Variants in DNAJC15 observed in about 807,000 individuals in gnomAD.
DNAJC15 encodes dnaJ homolog subfamily C member 15.
A neutral mutation model predicts 22.4 loss-of-function variants in DNAJC15; 27 were observed. The observed-to-expected ratio is 1.20, with a 90% CI of 0.89 to 1.66. DNAJC15 has a LOEUF of 1.66. DNAJC15 is among the 40% of genes most tolerant of loss of function. The pLI, the probability that DNAJC15 is intolerant of heterozygous loss-of-function variation, is 0.00. For synonymous variants in DNAJC15, 79 were observed against 63.2 expected, an observed-to-expected ratio of 1.25 and a Z score of -1.19; for missense variants, 208 against 187.1, an observed-to-expected ratio of 1.11 and a Z score of -0.65.
intron 1 of DNAJC15, among the ~76,000 whole-genome samples, chr13:43,050,592 T>C (rs1362802768): frequency 6.6e-6 from 1 of 152,160 alleles, no homozygotes; most frequent in Non-Finnish European, 1.5e-5. Flanking sequence ...CAAAATATGA[T>C]TGTATAGGAT....
At chr13:43,082,713 T>C (rs1226382694) in intron 4 of DNAJC15, among the ~76,000 whole-genome samples, 1 of 152,198 alleles carries the variant, frequency 6.6e-6, no homozygotes, top group Non-Finnish European at 1.5e-5. Flanking sequence ...TGTAATTAAT[T>C]ATCAAGGAAA....
intron 5 of DNAJC15, among the ~76,000 whole-genome samples, chr13:43,090,159 T>TA (rs1295901572): frequency 6.6e-6 from 1 of 152,216 alleles, no homozygotes; most frequent in African/African-American, 2.4e-5. Flanking sequence ...GAGGGCCCCC[T>TA]TAACAGCATA....
At chr13:43,104,063 A>G (rs1262355909) in intron 5 of DNAJC15, among the ~76,000 whole-genome samples, 2 of 152,176 alleles carry the variant, frequency 1.3e-5, no homozygotes, top group Non-Finnish European at 2.9e-5. Flanking sequence ...GATATAATTT[A>G]TATAGAATAA....
intron 1 of DNAJC15, among the ~76,000 whole-genome samples, chr13:43,057,362 G>A (rs2040536727): frequency 6.6e-6 from 1 of 152,050 alleles, no homozygotes; most frequent in East Asian, 1.9e-4. Context: ...TTTGAGCTAT[G>A]AAGTTCTTTT....
At chr13:43,047,280 A>C (rs2040482897) in intron 1 of DNAJC15, among the ~76,000 whole-genome samples, 1 of 152,230 alleles carries the variant, frequency 6.6e-6, no homozygotes, top group Admixed American at 6.5e-5. Context: ...GTTGGAAGGG[A>C]TTTGAAATAG....
intron 1 of DNAJC15, among the ~76,000 whole-genome samples, chr13:43,036,170 T>G (rs1320088043): frequency 6.7e-6 from 1 of 149,190 alleles, no homozygotes; most frequent in Non-Finnish European, 1.5e-5. Context: ...TTCTGTCTTT[T>G]TTTTTTTTTT....
chr13:43,040,264 GTTCT>G (rs1201372293), intron 1 of DNAJC15, among the ~76,000 whole-genome samples: 2 of 152,180 alleles, frequency 1.3e-5, no homozygotes, highest in Non-Finnish European at 2.9e-5. Flanking sequence ...GCCTGCTGTA[GTTCT>G]TTCTTCCTAA....
In DNAJC15 at chr13:43,111,727, C is replaced by T. The variant is rs1008269661; in HGVS notation, c.*4479C>T. ...TGCTGTCCTCGGGCACCCTGCACCT[C>T]GCCCAACAGTCATCAACTAGATGGA... On this transcript the variant is annotated 3_prime_UTR_variant, in exon 6 of 6. Coordinates refer to ENST00000379221, the MANE Select transcript of DNAJC15 (RefSeq NM_013238.3). 10 of 152,154 alleles carry T rather than the reference C, an allele frequency of 6.6e-5. No homozygotes were observed. Among genetic ancestry groups the T allele is most frequent in the African/African-American group, 2.2e-4 (9 of 41,430 alleles). The allele number at this position is 152,154 out of a possible 1,614,324, so 9.4% of individuals were successfully genotyped here.
intron 1 of DNAJC15, among the ~76,000 whole-genome samples, chr13:43,049,084 T>A (rs955373271): frequency 1.5e-4 from 23 of 152,324 alleles, no homozygotes; most frequent in Admixed American, 1.1e-3. Context: ...CTTACTTTTT[T>A]AAATCATACT....
intron 1 of DNAJC15, among the ~76,000 whole-genome samples, chr13:43,058,730 C>T (rs1460486040): frequency 1.3e-5 from 2 of 152,198 alleles, no homozygotes; most frequent in African/African-American, 2.4e-5. Context: ...TCCCTAATTC[C>T]AGTGGCAACC....
chr13:43,074,410 A>G (rs903081954), intron 3 of DNAJC15, among the ~76,000 whole-genome samples: 3 of 152,170 alleles, frequency 2.0e-5, no homozygotes, highest in African/African-American at 4.8e-5. Context: ...AAGGTCCAGG[A>G]TGTGTTTCTG....
intron 1 of DNAJC15, among the ~76,000 whole-genome samples, chr13:43,033,786 T>G (rs1039306042): frequency 1.3e-5 from 2 of 152,052 alleles, no homozygotes; most frequent in Non-Finnish European, 2.9e-5. Flanking sequence ...CCCAGCACTT[T>G]GGGAGGCCAA....
chr13:43,094,699 G>A (rs532547951), intron 5 of DNAJC15, among the ~76,000 whole-genome samples: 1 of 152,220 alleles, frequency 6.6e-6, no homozygotes, highest in African/African-American at 2.4e-5. Flanking sequence ...CTGTGTATCA[G>A]GCTCTATTTT....
chr13:43,036,420 T>G (rs1243275732), intron 1 of DNAJC15, among the ~76,000 whole-genome samples: 4 of 152,082 alleles, frequency 2.6e-5, no homozygotes, highest in Non-Finnish European at 5.9e-5. Flanking sequence ...CTGCAGGTTT[T>G]TATGTGCTCA....
chr13:43,074,753 AT>A (rs1486599810), intron 3 of DNAJC15, among the ~76,000 whole-genome samples: 1 of 152,190 alleles, frequency 6.6e-6, no homozygotes, highest in African/African-American at 2.4e-5. Context: ...TAAGACCTAA[AT>A]TTTCTAGAAG....
In DNAJC15 at chr13:43,106,553, G is replaced by A. The variant is rs985985073; in HGVS notation, c.383-625G>A. The stretch of plus-strand genomic sequence containing the variant: ...CCAAAACTACACTCTGTAAATATTC[G>A]AATAGAATCATTTCAGAGAACAAAA... On this transcript the variant is annotated intron_variant, in intron 5 of 5. Coordinates refer to ENST00000379221, the MANE Select transcript of DNAJC15 (RefSeq NM_013238.3). Among the ~76,000 whole-genome samples the A allele has an allele frequency of 7.9e-5, 12 of 151,920 alleles. 1 individual carries two copies. In the South Asian group the frequency reaches 1.2e-3, roughly 16 times the overall value.
chr13:43,103,842 T>C (rs1041961543), intron 5 of DNAJC15, among the ~76,000 whole-genome samples: 3 of 152,204 alleles, frequency 2.0e-5, no homozygotes, highest in Non-Finnish European at 4.4e-5. Flanking sequence ...AGATTTACAA[T>C]TGCTTTCTCT....
chr13:43,099,426 G>A (rs2040756397), intron 5 of DNAJC15, among the ~76,000 whole-genome samples: 1 of 152,064 alleles, frequency 6.6e-6, no homozygotes, highest in Non-Finnish European at 1.5e-5. Flanking sequence ...ATGTTGACTA[G>A]GTTTATTAAG....
At position 43,114,047 on chromosome 13, in the gene DNAJC15, A is replaced by C. The variant is rs908151048; in HGVS notation, c.*6799A>C. 1 of 152,144 alleles carries C rather than the reference A, an allele frequency of 6.6e-6. No individual in the cohort carries two copies. Among genetic ancestry groups the C allele is most frequent in the Non-Finnish European group, 1.5e-5 (1 of 68,014 alleles). The allele number at this position is 152,144 out of a possible 1,614,324, so 9.4% of individuals were successfully genotyped here. On this transcript the variant is annotated 3_prime_UTR_variant, in exon 6 of 6. Coordinates refer to ENST00000379221, the MANE Select transcript of DNAJC15 (RefSeq NM_013238.3). ...CTTTCGTTTCTTCTTGTAAGCAGAG[A>C]TTTTTTAAAATCCAATATGTGAAAA...
Sources: allele counts gnomAD v4.1 joint callset (sites outside exome capture counted in the v4.1 genomes callset), GRCh38; gene constraint gnomAD v4.1.1; transcripts MANE v1.5; gene names NCBI Gene and HGNC (gene_info 2026-07-23, HGNC 2026-07-21).